MROH2B: variants seen among roughly 807,000 people sequenced by gnomAD.
MROH2B encodes the protein maestro heat-like repeat-containing protein family member 2B.
Under a neutral mutation model 208.6 loss-of-function variants are expected in MROH2B, and 177 were observed. The observed-to-expected ratio is 0.85, with a 90% confidence interval of 0.75 to 0.96. The LOEUF (loss-of-function observed/expected upper bound fraction) is 0.96, where lower values mean the gene tolerates loss of function less well. MROH2B is among the 40% of genes least tolerant of loss of function. MROH2B has a pLI of 0.00. For missense variants in MROH2B, 2,002 were observed against 1,878.7 expected (o/e 1.07, Z -1.21); for synonymous variants, 728 against 659.0 (o/e 1.10, Z -1.60).
At chr5:41,037,455 C>A (rs1401860180) in intron 21 of MROH2B, among the ~76,000 whole-genome samples, 2 of 152,264 alleles carry the variant, frequency 1.3e-5, no homozygotes, top group African/African-American at 4.8e-5. Context: ...GGCTGTGATT[C>A]ATTAGGCATC....
rs58129703 is a variant in MROH2B at position 41,005,425 on chromosome 5, C to CCCT, written c.3864+105_3864+106insAGG. The CCCT allele has an allele frequency of 5.5e-3, 1,193 of 216,658 alleles. 73 individuals are homozygous for CCCT. The highest frequency in any genetic ancestry group is 0.015 in the East Asian group (176 of 11,568). The allele number at this position is 216,658 out of a possible 1,614,324, so 13.4% of individuals were successfully genotyped here. On this transcript the variant is annotated intron_variant, in intron 35 of 41. Transcript: ENST00000399564. Reference sequence around the variant, plus strand: ...TCTCCTCTATGAAACCCCCCCCCCCCTTGAAGTCTCTCTTCCCTGGTTCCA... The same window carrying CCCT: ...TCTCCTCTATGAAACCCCCCCCCCCCCCTTTGAAGTCTCTCTTCCCTGGTTCCA...
At chr5:41,032,949 T>G in intron 23 of MROH2B, 92 bp downstream of exon 23, 1 of 1,566,390 alleles carries the variant, frequency 6.4e-7, no homozygotes, top group Non-Finnish European at 8.7e-7. Flanking sequence ...TATGTGGGAC[T>G]GGTGAAGTCT....
chr5:41,039,284 T>C (rs1742867529), intron 20 of MROH2B, among the ~76,000 whole-genome samples, 164 bp downstream of exon 20: 1 of 152,160 alleles, frequency 6.6e-6, no homozygotes, highest in South Asian at 2.1e-4. Context: ...AGTAGACTTT[T>C]CATATAGCTA....
At chr5:41,060,318 G>A (rs1743596859) in intron 6 of MROH2B, among the ~76,000 whole-genome samples, 1 of 152,116 alleles carries the variant, frequency 6.6e-6, no homozygotes, top group Non-Finnish European at 1.5e-5. Flanking sequence ...ATATTAGAAT[G>A]ATTTTTCTAC....
Position 41,025,084 on chromosome 5 carries a change from G to A in MROH2B, c.2442-6066C>T, listed in dbSNP as rs184655650. On this transcript the variant is annotated intron_variant, in intron 24 of 41. Coordinates refer to ENST00000399564, the MANE Select transcript of MROH2B (RefSeq NM_173489.5). ...ACTAAATGCCCACAACAGAAAGCAG[G>A]AAAATCTAAAATTGACACCCTAACA... Among the ~76,000 whole-genome samples, 6 of 152,264 alleles carry A rather than the reference G, an allele frequency of 3.9e-5. No homozygotes were observed. In the East Asian group the frequency reaches 9.6e-4, roughly 24 times the overall value.
chr5:41,036,776 G>A (rs78278184), intron 21 of MROH2B, among the ~76,000 whole-genome samples: 84 of 152,086 alleles, frequency 5.5e-4, no homozygotes, highest in African/African-American at 8.2e-4. Flanking sequence ...TGTACCTCCT[G>A]TATCTAAAAG....
chr5:41,028,511 T>C (rs1579927990), intron 24 of MROH2B, among the ~76,000 whole-genome samples: 1 of 152,188 alleles, frequency 6.6e-6, no homozygotes, highest in East Asian at 1.9e-4. Context: ...TATTCTCCAT[T>C]TCTGTATATC....
chr5:40,999,811 C>T, intron 39 of MROH2B, 32 bp from the exon 40 acceptor site: 1 of 1,592,998 alleles, frequency 6.3e-7, no homozygotes, highest in Non-Finnish European at 8.6e-7. Flanking sequence ...AAGAGGGCAA[C>T]TGGAAAGTGA....
chr5:41,015,279 C>G, intron 29 of MROH2B, 102 bp downstream of exon 29: 2 of 1,015,186 alleles, frequency 2.0e-6, no homozygotes, highest in South Asian at 1.6e-5. Flanking sequence ...GTCCCTCATT[C>G]AGCTTGAATA....
chr5:41,056,927 C>A (rs1331193518), intron 9 of MROH2B, 182 bp downstream of exon 9: 3 of 660,090 alleles, frequency 4.5e-6, no homozygotes, highest in South Asian at 3.7e-5. Context: ...TTCTTCCCGT[C>A]CTGCTCCTCC....
In MROH2B at chr5:41,066,366, C is replaced by T. The variant is rs988300929; in HGVS notation, c.201+742G>A. Among the ~76,000 whole-genome samples, 7 of 152,126 alleles carry T rather than the reference C, an allele frequency of 4.6e-5. No homozygotes were observed. The East Asian group carries it at 1.3e-3, about 29-fold the overall frequency. On this transcript the variant is annotated intron_variant, in intron 3 of 41. Coordinates refer to ENST00000399564, the MANE Select transcript of MROH2B (RefSeq NM_173489.5). ...TCACAATATAGGTTGGAATGAATTA[C>T]TGAGTTGAGGCCTGAAAAAGATTAT...
At chr5:41,033,206 C>T in intron 22 of MROH2B, 46 bp from the exon 23 acceptor site, 1 of 1,603,508 alleles carries the variant, frequency 6.2e-7, no homozygotes, top group East Asian at 2.2e-5. Context: ...TAAGACACCA[C>T]ACTCAGGTCT....
rs577517797 is a variant in MROH2B, at chr5:41,047,190, G to T, written c.1728+531C>A. Among the ~76,000 whole-genome samples the T allele has an allele frequency of 2.0e-5, 3 of 152,226 alleles. No individual in the cohort carries two copies. In the South Asian group the frequency reaches 6.2e-4, roughly 32 times the overall value. ...GCCTGTCTGCAATTAACTATTTCTG[G>T]GATTTGGTATCACTTGTGGCACTGT... On this transcript the variant is annotated intron_variant, in intron 17 of 41. Coordinates refer to ENST00000399564, the MANE Select transcript of MROH2B (RefSeq NM_173489.5).
At chr5:41,019,921 A>G (rs1742088103) in intron 24 of MROH2B, among the ~76,000 whole-genome samples, 1 of 152,210 alleles carries the variant, frequency 6.6e-6, no homozygotes, top group South Asian at 2.1e-4. Context: ...ACTGATGGTT[A>G]TATAACCAAT....
intron 18 of MROH2B, among the ~76,000 whole-genome samples, chr5:41,042,963 T>C (rs1743001416): frequency 6.6e-6 from 1 of 152,194 alleles, no homozygotes; most frequent in Admixed American, 6.5e-5. Context: ...CCTAGCTATA[T>C]AGTAACAGAT....
At chr5:41,031,018 A>C (rs1351328302) in intron 24 of MROH2B, among the ~76,000 whole-genome samples, 4 of 152,158 alleles carry the variant, frequency 2.6e-5, no homozygotes, top group Non-Finnish European at 5.9e-5. Context: ...ATGAAAAATC[A>C]CATGCAGAGT....
chr5:41,000,051 G>T, intron 39 of MROH2B, 169 bp downstream of exon 39: 1 of 874,952 alleles, frequency 1.1e-6, no homozygotes, highest in Non-Finnish European at 1.7e-6. Flanking sequence ...GGGTCCTGTG[G>T]CAGGATACCT....
chr5:41,027,701 G>T (rs1742421607), intron 24 of MROH2B, among the ~76,000 whole-genome samples: 1 of 152,190 alleles, frequency 6.6e-6, no homozygotes, highest in African/African-American at 2.4e-5. Context: ...TATACCCAAA[G>T]AATTATAAAT....
chr5:41,054,243 G>A (rs1288148357), intron 11 of MROH2B, among the ~76,000 whole-genome samples: 1 of 152,158 alleles, frequency 6.6e-6, no homozygotes, highest in African/African-American at 2.4e-5. Context: ...GCCTCCCAAA[G>A]TGTAGGGACT....
Sources: allele counts gnomAD v4.1 joint callset (sites outside exome capture counted in the v4.1 genomes callset), GRCh38; gene constraint gnomAD v4.1.1; transcripts MANE v1.5; gene names NCBI Gene and HGNC (gene_info 2026-07-23, HGNC 2026-07-21).